SEC24A: variants seen among roughly 807,000 people sequenced by gnomAD.
SEC24A encodes the protein protein transport protein Sec24A.
SEC24A carries 93 observed loss-of-function variants against 129.4 expected under a neutral mutation model. The observed-to-expected ratio is 0.72, with a 90% CI of 0.61 to 0.85. SEC24A has a LOEUF of 0.85. Among genes scored for constraint, SEC24A ranks in the 40% least tolerant of loss-of-function variants. The pLI is 0.00. For missense variants in SEC24A, 1,264 were observed against 1,307.4 expected (o/e 0.97, Z 0.51); for synonymous variants, 460 against 467.3 (o/e 0.98, Z 0.20).
Position 134,649,188 on chromosome 5 carries a change from G to T in SEC24A, c.97+15G>T, listed in dbSNP as rs142959485. On this transcript the variant is annotated intron_variant, in intron 1 of 22. Coordinates refer to ENST00000398844, the MANE Select transcript of SEC24A (RefSeq NM_021982.3). ...CTACACCAACGGTGAGTGCTGTCCG[G>T]GGGGAGGGCGCAGCCTGGCCAGGGC... 3.5e-4 allele frequency: 559 copies of T among 1,578,498 alleles called. No individual in the cohort carries two copies. The highest frequency in any genetic ancestry group is 2.8e-3 in the Middle Eastern group (17 of 5,966).
intron 18 of SEC24A, among the ~76,000 whole-genome samples, chr5:134,712,839 C>T (rs867424462): frequency 3.3e-5 from 5 of 150,690 alleles, no homozygotes; most frequent in Middle Eastern, 3.5e-3. Flanking sequence ...AGGATGGCCT[C>T]AATTTCCTGA....
At chr5:134,663,930 T>C (rs1750560739) in intron 2 of SEC24A, among the ~76,000 whole-genome samples, 1 of 152,014 alleles carries the variant, frequency 6.6e-6, no homozygotes, top group Non-Finnish European at 1.5e-5. Context: ...GCCTACATGG[T>C]GAAAACCTCG....
At chr5:134,712,231 C>T (rs575775124) in intron 18 of SEC24A, among the ~76,000 whole-genome samples, 63 of 151,854 alleles carry the variant, frequency 4.1e-4, no homozygotes, top group Non-Finnish European at 7.2e-4. Context: ...GTAGGAGTGG[C>T]TTTTGAATCT....
intron 1 of SEC24A, among the ~76,000 whole-genome samples, chr5:134,658,225 C>A (rs1487724785): frequency 2.0e-5 from 3 of 151,974 alleles, no homozygotes; most frequent in Non-Finnish European, 2.9e-5. Context: ...GAGCCGAGAT[C>A]GCACCACTGC....
chr5:134,660,100 G>A (rs1561802053), intron 1 of SEC24A, among the ~76,000 whole-genome samples: 2 of 151,304 alleles, frequency 1.3e-5, no homozygotes, highest in African/African-American at 2.4e-5. Context: ...GTTTGCTCAC[G>A]CCTGTAATCC....
At chr5:134,662,396 C>T (rs1317032934) in intron 2 of SEC24A, among the ~76,000 whole-genome samples, 1 of 152,042 alleles carries the variant, frequency 6.6e-6, no homozygotes, top group African/African-American at 2.4e-5. Context: ...CCTCGTGATC[C>T]GCCCGCCTTG....
At chr5:134,650,732 C>G (rs1329372822) in intron 1 of SEC24A, among the ~76,000 whole-genome samples, 2 of 151,634 alleles carry the variant, frequency 1.3e-5, no homozygotes, top group Non-Finnish European at 2.9e-5. Context: ...TTTTCATAGT[C>G]TTTTTATAAG....
chr5:134,676,124 T>C lies in SEC24A; in HGVS notation c.1253T>C (p.Val418Ala), dbSNP rs1411825349. The change falls in exon 7 of 23, where the codon GTG becomes GCG. Residue 418 changes from valine (V) to alanine (A), a missense_variant and splice_region_variant. Physicochemically the swap from Val to Ala is moderately conservative, Grantham distance 64 (BLOSUM62 0). Coordinates refer to ENST00000398844, the MANE Select transcript of SEC24A (RefSeq NM_021982.3). Reference protein sequence around the residue: ...GLLLHPFKDLVQLPVVTSSTI... With the variant: ...GLLLHPFKDLAQLPVVTSSTI... The stretch of plus-strand genomic sequence containing the variant: ...CTGCTTCATCCTTTCAAAGACTTAG[T>C]GGTATGTTTCTTTTCTTTTCTTTTT... 1.3e-6 allele frequency: 2 copies of C among 1,593,986 alleles called. No individual in the cohort carries two copies. The highest frequency in any genetic ancestry group is 1.7e-6 in the Non-Finnish European group (2 of 1,171,934).
At chr5:134,697,286 A>G (rs758569582) in intron 14 of SEC24A, 40 bp downstream of exon 14, 49 of 1,529,728 alleles carry the variant, frequency 3.2e-5, no homozygotes, top group East Asian at 4.6e-5. Flanking sequence ...CGTTAAATGA[A>G]TATCAAAATG....
Position 134,723,722 on chromosome 5 carries a change from C to T in SEC24A, c.3167+52C>T, listed in dbSNP as rs746696732. The T allele has an allele frequency of 5.7e-6, 6 of 1,054,614 alleles. No homozygotes were observed. In the African/African-American group the frequency reaches 9.5e-5, roughly 17 times the overall value. 65.3% of individuals were successfully genotyped at this position (1,054,614 alleles called of 1,614,324 possible). On this transcript the variant is annotated intron_variant, in intron 22 of 22. Coordinates refer to ENST00000398844, the MANE Select transcript of SEC24A (RefSeq NM_021982.3). ...AGTAAAACAATTTGTTTGGCCTTGC[C>T]AGGACCTGACAAGAGTATAGCAAAA...
At chr5:134,696,977 A>T in intron 13 of SEC24A, 149 bp from the exon 14 acceptor site, 1 of 478,938 alleles carries the variant, frequency 2.1e-6, no homozygotes, top group Non-Finnish European at 3.7e-6. Context: ...ATGAAAAATC[A>T]AGTAGTACCA....
Position 134,656,954 on chromosome 5 carries a change from T to A in SEC24A, c.98-4165T>A, listed in dbSNP as rs889560829. Among the ~76,000 whole-genome samples the A allele has an allele frequency of 5.3e-5, 8 of 149,920 alleles. No individual in the cohort carries two copies. The South Asian group carries it at 1.7e-3, about 32-fold the overall frequency. On this transcript the variant is annotated intron_variant, in intron 1 of 22. Transcript: ENST00000398844. ...AATCTTAGTACTTTGGGAGGTCGAG[T>A]CAAGAAGATCCCTTGAGCCCAGGAG... is the stretch of plus-strand genomic sequence containing the variant.
Position 134,699,301 on chromosome 5 carries a change from C to CT in SEC24A, c.2266+1257dup, listed in dbSNP as rs1208203003. On this transcript the variant is annotated intron_variant, in intron 15 of 22. Coordinates refer to ENST00000398844, the MANE Select transcript of SEC24A (RefSeq NM_021982.3). ...ATAACATAAGCTTTACCATTTTATC[C>CT]TTTTTTTTTTTTTGAGACGGACTGT... Among the ~76,000 whole-genome samples the CT allele has an allele frequency of 7.9e-3, 1,099 of 138,370 alleles. 7 individuals carry two copies. The highest frequency in any genetic ancestry group is 0.011 in the Non-Finnish European group (728 of 64,240). 90.8% of individuals were successfully genotyped at this position (138,370 alleles called of 152,430 possible). A position where few individuals can be genotyped will look rare whatever the true frequency, so the allele number is the denominator to read the frequency against.
chr5:134,674,644 A>C lies in SEC24A; in HGVS notation c.847A>C (p.Lys283Gln), dbSNP rs1408184168. The C allele has an allele frequency of 1.9e-6, 3 of 1,613,798 alleles. No homozygotes were observed. The South Asian group carries it at 3.3e-5, about 18-fold the overall frequency. The change falls in exon 5 of 23, where the codon AAA (lysine) becomes CAA (glutamine). Residue 283 changes from lysine to glutamine, a missense_variant. Transcript: ENST00000398844. ...ACCACAGCTTACTAACAAGAATCCC[A>C]AAATGAGCCGAAGTGTTGGATATTC... ...ATPQLTNKNP[K>Q]MSRSVGYSYP...
At chr5:134,664,885 G>A (rs1266443392) in intron 2 of SEC24A, among the ~76,000 whole-genome samples, 3 of 125,522 alleles carry the variant, frequency 2.4e-5, no homozygotes, top group Non-Finnish European at 3.2e-5. Context: ...TGCAACCTCC[G>A]CCTCCCAGGT....
chr5:134,670,947 C>T (rs574718613), intron 3 of SEC24A, among the ~76,000 whole-genome samples: 1 of 151,990 alleles, frequency 6.6e-6, no homozygotes, highest in Non-Finnish European at 1.5e-5. Context: ...TGAAATCGCA[C>T]CACTTCACTC....
chr5:134,692,542 A>G (rs1194466393), intron 11 of SEC24A, 60 bp from the exon 12 acceptor site: 2 of 876,362 alleles, frequency 2.3e-6, no homozygotes, highest in East Asian at 5.1e-5. Context: ...AGTGTTATAT[A>G]TTTGGCACAC....
At chr5:134,651,487 G>T (rs1055675833) in intron 1 of SEC24A, among the ~76,000 whole-genome samples, 2 of 151,104 alleles carry the variant, frequency 1.3e-5, no homozygotes, top group African/African-American at 4.9e-5. Flanking sequence ...TAGAGATGGG[G>T]TTTCACCATG....
chr5:134,705,160 T>TA (rs1461777970), intron 16 of SEC24A, among the ~76,000 whole-genome samples, 167 bp from the exon 17 acceptor site: 1 of 150,614 alleles, frequency 6.6e-6, no homozygotes, highest in African/African-American at 2.4e-5. Flanking sequence ...AGGCTGCACT[T>TA]AAACTCCTGA....
Sources: allele counts gnomAD v4.1 joint callset (sites outside exome capture counted in the v4.1 genomes callset), GRCh38; gene constraint gnomAD v4.1.1; transcripts MANE v1.5; gene names NCBI Gene and HGNC (gene_info 2026-07-23, HGNC 2026-07-21).